Variants in UPB1 observed in about 807,000 individuals in gnomAD.
UPB1 encodes beta-ureidopropionase 1.
UPB1 carries 40 observed loss-of-function variants against 49.1 expected under a neutral mutation model. The ratio of observed to expected loss-of-function variants is 0.81; its 90% CI spans 0.63 to 1.06. The LOEUF is 1.06. Among genes scored for constraint, UPB1 ranks in the 50% least tolerant of loss-of-function variants. UPB1 has a pLI of 0.00. For synonymous variants in UPB1, 207 were observed against 198.2 expected, an observed-to-expected ratio of 1.04 and a Z score of -0.38; for missense variants, 499 against 505.9, an observed-to-expected ratio of 0.99 and a Z score of 0.13.
chr22:24,510,915 C>G, intron 4 of UPB1, 72 bp downstream of exon 4: 2 of 1,515,700 alleles, frequency 1.3e-6, no homozygotes, highest in Non-Finnish European at 1.8e-6. Flanking sequence ...CCACAGCTGC[C>G]GGGTTTGGCC....
At chr22:24,499,105 A>G (rs1307647802) in intron 1 of UPB1, among the ~76,000 whole-genome samples, 1 of 152,142 alleles carries the variant, frequency 6.6e-6, no homozygotes, top group East Asian at 1.9e-4. Context: ...GCTGATTGTC[A>G]GGGGCGGAAC....
intron 3 of UPB1, among the ~76,000 whole-genome samples, chr22:24,509,387 AAAAAAAAAAG>A: frequency 7.1e-6 from 1 of 141,808 alleles, no homozygotes; most frequent in African/African-American, 2.8e-5. Context: ...AAAAAAAAAA[AAAAAAAAAAG>A]CAAAAACCAA....
chr22:24,524,634 C>T (rs905909568), intron 9 of UPB1, among the ~76,000 whole-genome samples: 14 of 152,060 alleles, frequency 9.2e-5, no homozygotes, highest in Admixed American at 7.9e-4. Context: ...TATAGGCGTG[C>T]ACCACCACCA....
chr22:24,510,967 A>G, intron 4 of UPB1, 124 bp downstream of exon 4: 1 of 919,058 alleles, frequency 1.1e-6, no homozygotes, highest in Non-Finnish European at 1.7e-6. Context: ...TTGTTTTGCC[A>G]GATAAGATTA....
chr22:24,500,106 G>A lies in UPB1; in HGVS notation c.105-1G>A. ...TTCCCTCTTTTTTCCTGCCCATCTA[G>A]GAAGCTTGATCTGCCCAGGGAAGCT... On this transcript the variant is annotated splice_acceptor_variant, in intron 1 of 9. Transcript: ENST00000326010. LOFTEE classifies it high-confidence loss of function. 1.9e-6 allele frequency: 3 copies of A among 1,614,118 alleles called. No individual in the cohort carries two copies. Among genetic ancestry groups the A allele is most frequent in the Non-Finnish European group, 2.5e-6 (3 of 1,180,034 alleles).
rs142894523 is a variant in UPB1 at position 24,521,009 on chromosome 22, C to G, written c.873+541C>G. Among the ~76,000 whole-genome samples, 9 of 152,020 alleles carry G rather than the reference C, an allele frequency of 5.9e-5. No individual in the cohort carries two copies. The East Asian group carries it at 1.7e-3, about 29-fold the overall frequency. On this transcript the variant is annotated intron_variant, in intron 7 of 9. Transcript: ENST00000326010. ...ACCAGCCTGGCCAGTGTGGCAAAAC[C>G]CTGTCTCTACTAAAAATATAAAAAT...
In UPB1 at chr22:24,495,465, A is replaced by G. The variant is rs148926761; in HGVS notation, c.62A>G (p.Asp21Gly). 2.5e-6 allele frequency: 4 copies of G among 1,614,074 alleles called. No homozygotes were observed. The South Asian group carries it at 4.4e-5, about 18-fold the overall frequency. ...ECLEKHLPLP[D>G]LQEVKRVLYG... Reference sequence around the variant, plus strand: ...TTGGAGAAGCACCTGCCGCTCCCCGACTTGCAGGAAGTGAAGCGCGTTCTC... The same window carrying G: ...TTGGAGAAGCACCTGCCGCTCCCCGGCTTGCAGGAAGTGAAGCGCGTTCTC... Residue 21 changes from aspartate (D) to glycine (G), a missense_variant, in exon 1 of 10, where the codon GAC (aspartate) becomes GGC (glycine). Asp to Gly is a moderately conservative substitution (Grantham distance 94). Coordinates refer to ENST00000326010, the MANE Select transcript of UPB1 (RefSeq NM_016327.3).
In UPB1 at chr22:24,496,635, G is replaced by T. The variant is rs561985438; in HGVS notation, c.104+1128G>T. Among the ~76,000 whole-genome samples the T allele has an allele frequency of 5.3e-5, 8 of 152,292 alleles. No individual in the cohort carries two copies. In the South Asian group the frequency reaches 1.5e-3, roughly 28 times the overall value. ...GGGGCTATTTGCTATGTGGAGGTGG[G>T]CCTCAGGTGGGCGAGGCTGGGCTTG... On this transcript the variant is annotated intron_variant, in intron 1 of 9. Coordinates refer to ENST00000326010, the MANE Select transcript of UPB1 (RefSeq NM_016327.3).
At chr22:24,515,127 A>G (rs2044270207) in intron 5 of UPB1, 74 bp from the exon 6 acceptor site, 1 of 1,584,274 alleles carries the variant, frequency 6.3e-7, no homozygotes, top group Non-Finnish European at 8.6e-7. Flanking sequence ...TATTGGTGAT[A>G]TTTCAGTTTT....
chr22:24,507,034 G>A (rs1032146168), intron 3 of UPB1, among the ~76,000 whole-genome samples: 7 of 152,132 alleles, frequency 4.6e-5, no homozygotes, highest in Admixed American at 6.5e-5. Flanking sequence ...GTGGAACCTC[G>A]TCCCCTCTAG....
intron 1 of UPB1, among the ~76,000 whole-genome samples, chr22:24,497,706 G>C: frequency 6.6e-6 from 1 of 152,196 alleles, no homozygotes; most frequent in Non-Finnish European, 1.5e-5. Context: ...GTGAGGTTAT[G>C]GCTCATTTGC....
chr22:24,500,041 G>A (rs944519706), intron 1 of UPB1, 66 bp from the exon 2 acceptor site: 8 of 1,609,076 alleles, frequency 5.0e-6, no homozygotes, highest in Non-Finnish European at 6.8e-6. Flanking sequence ...CAAGAAATGG[G>A]AGAGAGATTT....
chr22:24,513,251 T>G, intron 4 of UPB1, 73 bp from the exon 5 acceptor site: 1 of 1,609,328 alleles, frequency 6.2e-7, no homozygotes, highest in Non-Finnish European at 8.5e-7. Context: ...TTTAGTAGGA[T>G]CATTCTTCTT....
Position 24,523,662 on chromosome 22 carries a change from A to G in UPB1, c.960A>G (p.Ala320=), listed in dbSNP as rs373667226. The G allele has an allele frequency of 9.3e-6, 15 of 1,614,116 alleles. No individual in the cohort carries two copies. Among genetic ancestry groups the G allele is most frequent in the Non-Finnish European group, 1.2e-5 (14 of 1,180,042 alleles). Residue 320 remains alanine (A), a synonymous_variant, in exon 9 of 10, where the codon GCA becomes GCG. Coordinates refer to ENST00000326010, the MANE Select transcript of UPB1 (RefSeq NM_016327.3). The stretch of plus-strand genomic sequence containing the variant: ...ACTTTTATGGCTCGAGCTATGTGGC[A>G]GCCCCTGACAGCAGCCGGACTCCTG... ...FGYFYGSSYV[A]APDSSRTPGL...
At chr22:24,515,802 C>G (rs1225371863) in intron 6 of UPB1, among the ~76,000 whole-genome samples, 9 of 152,096 alleles carry the variant, frequency 5.9e-5, no homozygotes, top group Admixed American at 5.2e-4. Context: ...GTGGTGAAAC[C>G]CTGTCTCTAC....
intron 9 of UPB1, 27 bp from the exon 10 acceptor site, chr22:24,525,684 T>C: frequency 6.2e-7 from 1 of 1,614,010 alleles, no homozygotes; most frequent in Non-Finnish European, 8.5e-7. Flanking sequence ...CCAGAACCTC[T>C]AAAGTACATC....
chr22:24,505,173 G>C (rs930060749), intron 3 of UPB1, among the ~76,000 whole-genome samples: 5 of 152,078 alleles, frequency 3.3e-5, no homozygotes, highest in African/African-American at 1.2e-4. Flanking sequence ...AGTCCCTGTT[G>C]TATTACATCC....
chr22:24,516,293 G>A (rs1224625590), intron 6 of UPB1, among the ~76,000 whole-genome samples: 2 of 152,206 alleles, frequency 1.3e-5, no homozygotes, highest in African/African-American at 4.8e-5. Flanking sequence ...GCTGGGGGAT[G>A]AGGGGAGGGT....
At chr22:24,495,814 G>A (rs2043861314) in intron 1 of UPB1, among the ~76,000 whole-genome samples, 1 of 152,216 alleles carries the variant, frequency 6.6e-6, no homozygotes, top group Non-Finnish European at 1.5e-5. Flanking sequence ...CCGGAGCCGG[G>A]CTTGTCTTCT....
Sources: gnomAD v4.1 joint callset for allele counts (sites outside exome capture counted in the v4.1 genomes callset) on GRCh38, gnomAD v4.1.1 for gene constraint, MANE v1.5 for transcripts, NCBI Gene and HGNC (gene_info 2026-07-23, HGNC 2026-07-21) for gene names.